Variants in AEBP2 observed in about 807,000 individuals in gnomAD.
AEBP2 encodes the protein zinc finger protein AEBP2.
Under a neutral mutation model 50.8 loss-of-function variants are expected in AEBP2, and 10 were observed. The ratio of observed to expected loss-of-function variants is 0.20; its 90% CI spans 0.12 to 0.33. The LOEUF (loss-of-function observed/expected upper bound fraction) is 0.33, where lower values mean the gene tolerates loss of function less well. Ranked by LOEUF, AEBP2 falls within the 10% of genes least tolerant of loss-of-function variation. AEBP2 has a pLI of 1.00. For missense variants in AEBP2, 570 were observed against 688.0 expected (o/e 0.83, Z 1.92); for synonymous variants, 296 against 261.3 (o/e 1.13, Z -1.28).
chr12:19,485,490 T>A (rs1565726286), intron 3 of AEBP2, among the ~76,000 whole-genome samples: 1 of 151,912 alleles, frequency 6.6e-6, no homozygotes, highest in Non-Finnish European at 1.5e-5. Flanking sequence ...GCAGATTGCT[T>A]AAGCCCAGGA....
At chr12:19,492,744 A>T (rs1358191253) in intron 3 of AEBP2, among the ~76,000 whole-genome samples, 1 of 152,100 alleles carries the variant, frequency 6.6e-6, no homozygotes, top group Non-Finnish European at 1.5e-5. Flanking sequence ...AGGCAAATGG[A>T]TGGTTTGAGC....
rs775361375 is a variant in AEBP2 at position 19,493,975 on chromosome 12, G to A, written c.1163G>A (p.Arg388Gln). 4.4e-6 allele frequency: 7 copies of A among 1,607,254 alleles called. No homozygotes were observed. Among genetic ancestry groups the A allele is most frequent in the Non-Finnish European group, 5.9e-6 (7 of 1,176,566 alleles). ...NKRRKLKNKRRRSLPRPHDFF... is the reference protein window; with the variant it reads ...NKRRKLKNKRQRSLPRPHDFF... ...AGGAGGAAATTAAAGAACAAAAGAC[G>A]ACGCTCATTACGTAAGTGTTACACT... The change falls in exon 4 of 8, where the codon CGA becomes CAA. Residue 388 changes from arginine to glutamine, a missense_variant. Transcript: ENST00000266508.
intron 1 of AEBP2, among the ~76,000 whole-genome samples, chr12:19,418,205 T>G (rs930233511): frequency 2.0e-5 from 3 of 148,506 alleles, no homozygotes; most frequent in African/African-American, 7.9e-5. Flanking sequence ...GAGACACCCC[T>G]TTCTATTGAT....
intron 3 of AEBP2, among the ~76,000 whole-genome samples, chr12:19,490,684 T>C (rs1470787219): frequency 2.0e-5 from 3 of 152,190 alleles, no homozygotes; most frequent in Non-Finnish European, 2.9e-5. Flanking sequence ...CAGGCTGGTC[T>C]CAAACTCCTG....
At chr12:19,493,713 C>A in intron 3 of AEBP2, 87 bp from the exon 4 acceptor site, 2 of 1,270,454 alleles carry the variant, frequency 1.6e-6, no homozygotes, top group African/African-American at 1.5e-5. Context: ...TTATTTACTT[C>A]CGAAAATACT....
At chr12:19,432,797 G>A (rs768211315) in intron 1 of AEBP2, among the ~76,000 whole-genome samples, 3 of 152,066 alleles carry the variant, frequency 2.0e-5, no homozygotes, top group African/African-American at 4.8e-5. Flanking sequence ...GAGAGGATTT[G>A]ACTTAGTGAG....
At chr12:19,466,680 T>G in intron 2 of AEBP2, 1 of 466,934 alleles carries the variant, frequency 2.1e-6, no homozygotes, top group Non-Finnish European at 2.8e-6. Context: ...CTAATATAAG[T>G]AGAAAACACC....
At chr12:19,498,662 A>T (rs1024018383) in intron 4 of AEBP2, among the ~76,000 whole-genome samples, 2 of 152,178 alleles carry the variant, frequency 1.3e-5, no homozygotes, top group African/African-American at 4.8e-5. Context: ...TGTATTAGTA[A>T]GCTCCACAAA....
At chr12:19,466,161 T>C (rs971657495) in intron 2 of AEBP2, among the ~76,000 whole-genome samples, 3 of 151,984 alleles carry the variant, frequency 2.0e-5, no homozygotes, top group Non-Finnish European at 4.4e-5. Flanking sequence ...ATTTTTTTCT[T>C]TGAAATGAAC....
At chr12:19,432,417 G>T (rs898465161) in intron 1 of AEBP2, among the ~76,000 whole-genome samples, 1 of 152,128 alleles carries the variant, frequency 6.6e-6, no homozygotes, top group African/African-American at 2.4e-5. Flanking sequence ...ATTTTGGCAG[G>T]GCATGGTGGC....
chr12:19,440,471 C>G (rs972019589), intron 1 of AEBP2, 101 bp downstream of exon 1: 3 of 1,410,788 alleles, frequency 2.1e-6, no homozygotes, highest in African/African-American at 2.9e-5. Context: ...CCCCTGCTCC[C>G]CGAATCCTCG....
At chr12:19,431,296 C>T (rs1053883715) in intron 1 of AEBP2, among the ~76,000 whole-genome samples, 6 of 152,118 alleles carry the variant, frequency 3.9e-5, no homozygotes, top group African/African-American at 1.2e-4. Context: ...TTAGGTTTTT[C>T]TACCCTACCT....
At chr12:19,514,632 T>C in intron 6 of AEBP2, 39 bp from the exon 7 acceptor site, 1 of 1,456,132 alleles carries the variant, frequency 6.9e-7, no homozygotes, top group Non-Finnish European at 9.4e-7. Context: ...AATCTAAAAT[T>C]AATGTTACTT....
At chr12:19,458,968 C>G (rs1003055294) in intron 1 of AEBP2, among the ~76,000 whole-genome samples, 1 of 152,148 alleles carries the variant, frequency 6.6e-6, no homozygotes, top group Non-Finnish European at 1.5e-5. Flanking sequence ...CATGACTACC[C>G]TGCACTTGTG....
At position 19,457,371 on chromosome 12, in the gene AEBP2, A is replaced by G. The variant is rs966345423; in HGVS notation, c.672-5139A>G. 9 of 1,441,980 alleles carry G rather than the reference A, an allele frequency of 6.2e-6. No individual in the cohort carries two copies. The African/African-American group carries it at 9.8e-5, about 16-fold the overall frequency. The allele number at this position is 1,441,980 out of a possible 1,614,324, so 89.3% of individuals were successfully genotyped here. On this transcript the variant is annotated intron_variant, in intron 1 of 7. Coordinates refer to ENST00000266508, the MANE Select transcript of AEBP2 (RefSeq NM_153207.5). The stretch of plus-strand genomic sequence containing the variant: ...CTCTGTGGTTAAGTCTCTGTGTCCT[A>G]GGGCATCAATGATAGTCACGTAGCA...
intron 1 of AEBP2, among the ~76,000 whole-genome samples, chr12:19,449,189 T>C (rs1565708051): frequency 6.6e-6 from 1 of 152,216 alleles, no homozygotes; most frequent in Non-Finnish European, 1.5e-5. Flanking sequence ...AAGATCTTTT[T>C]ATGATTTAAT....
At chr12:19,424,045 G>A (rs553640612) in intron 1 of AEBP2, among the ~76,000 whole-genome samples, 1 of 152,294 alleles carries the variant, frequency 6.6e-6, no homozygotes, top group East Asian at 1.9e-4. Context: ...TCAGCATCAT[G>A]AGAATGGATG....
chr12:19,500,047 TTAC>T, intron 4 of AEBP2, 47 bp from the exon 5 acceptor site: 1 of 1,478,056 alleles, frequency 6.8e-7, no homozygotes, highest in South Asian at 1.3e-5. Flanking sequence ...TTATTACTTA[TTAC>T]TGTTATGTTT....
At chr12:19,467,248 GCAATTT>G (rs970856060) in intron 2 of AEBP2, among the ~76,000 whole-genome samples, 36 of 151,300 alleles carry the variant, frequency 2.4e-4, no homozygotes, top group African/African-American at 8.2e-4. Context: ...AGTGCTTTCT[GCAATTT>G]CAAAAATAAA....
Sources: gnomAD v4.1 joint callset for allele counts (sites outside exome capture counted in the v4.1 genomes callset) on GRCh38, gnomAD v4.1.1 for gene constraint, MANE v1.5 for transcripts, NCBI Gene and HGNC (gene_info 2026-07-23, HGNC 2026-07-21) for gene names.